Variants in KLHL32 observed in about 807,000 individuals in gnomAD.
KLHL32 encodes the protein kelch like family member 32.
A neutral mutation model predicts 64.8 loss-of-function variants in KLHL32; 35 were observed. The ratio of observed to expected loss-of-function variants is 0.54; its 90% CI spans 0.41 to 0.72. The LOEUF (loss-of-function observed/expected upper bound fraction) is 0.72, where lower values mean the gene tolerates loss of function less well. Among genes scored for constraint, KLHL32 ranks in the 30% least tolerant of loss-of-function variants. The probability of loss-of-function intolerance (pLI) is 0.00; values close to 1 mark genes in which losing one functional copy is unlikely to be tolerated. For synonymous variants in KLHL32, 259 were observed against 281.0 expected (o/e 0.92, Z 0.78); for missense variants, 589 against 768.5 (o/e 0.77, Z 2.76).
intron 6 of KLHL32, among the ~76,000 whole-genome samples, chr6:97,106,266 C>T (rs973867755): frequency 1.3e-5 from 2 of 151,886 alleles, no homozygotes; most frequent in Non-Finnish European, 2.9e-5. Context: ...TTTAATTGAA[C>T]TAGGACAAAA....
At chr6:96,961,038 G>A (rs1156229740) in intron 1 of KLHL32, among the ~76,000 whole-genome samples, 2 of 152,142 alleles carry the variant, frequency 1.3e-5, no homozygotes, top group Non-Finnish European at 2.9e-5. Context: ...TGAAGGACAA[G>A]GAAGGGGATT....
chr6:96,933,981 A>G (rs1469285517), intron 1 of KLHL32, among the ~76,000 whole-genome samples: 1 of 152,196 alleles, frequency 6.6e-6, no homozygotes, highest in Non-Finnish European at 1.5e-5. Context: ...TCTGTGCCTA[A>G]GTCTCCTGTA....
chr6:96,965,295 C>T (rs1359593641), intron 1 of KLHL32, among the ~76,000 whole-genome samples: 2 of 152,152 alleles, frequency 1.3e-5, no homozygotes, highest in Admixed American at 6.5e-5. Context: ...GGTGTCCATT[C>T]CCCTAAGCTT....
chr6:97,031,722 G>T (rs1783582602), intron 3 of KLHL32, among the ~76,000 whole-genome samples: 1 of 152,048 alleles, frequency 6.6e-6, no homozygotes, highest in Non-Finnish European at 1.5e-5. Flanking sequence ...TTTTATAATG[G>T]GGTCATTCCA....
intron 7 of KLHL32, among the ~76,000 whole-genome samples, chr6:97,126,682 G>A (rs546764169): frequency 9.2e-5 from 14 of 152,064 alleles, no homozygotes; most frequent in South Asian, 4.1e-4. Context: ...ACTGAGATGC[G>A]TTGTGTCAAA....
intron 1 of KLHL32, among the ~76,000 whole-genome samples, chr6:96,934,106 G>A (rs1250987655): frequency 6.6e-6 from 1 of 152,160 alleles, no homozygotes; most frequent in Non-Finnish European, 1.5e-5. Context: ...GCTTTTGACT[G>A]GGCATTGTAG....
intron 6 of KLHL32, among the ~76,000 whole-genome samples, chr6:97,090,836 A>G (rs1193931193): frequency 6.6e-6 from 1 of 152,242 alleles, no homozygotes; most frequent in Non-Finnish European, 1.5e-5. Flanking sequence ...ACTTTGGTCT[A>G]TAGCTTCTAA....
chr6:96,988,218 A>ATT (rs1777367459), intron 3 of KLHL32, among the ~76,000 whole-genome samples: 1 of 152,242 alleles, frequency 6.6e-6, no homozygotes, highest in African/African-American at 2.4e-5. Context: ...ATAAAGGGCT[A>ATT]ATATCCAGAA....
chr6:97,090,782 A>T (rs1794107016), intron 6 of KLHL32, among the ~76,000 whole-genome samples: 2 of 152,260 alleles, frequency 1.3e-5, no homozygotes, highest in Non-Finnish European at 2.9e-5. Flanking sequence ...GAGGTTACAT[A>T]TCTAGGAATC....
At chr6:96,918,488 A>G in the KLHL32 span, among the ~76,000 whole-genome samples, 2 of 152,216 alleles carry the variant, frequency 1.3e-5, no homozygotes, top group Non-Finnish European at 2.9e-5. Context: ...CAATTCACAC[A>G]TTACTACTGT....
chr6:97,015,390 G>A (rs372020653), intron 3 of KLHL32, among the ~76,000 whole-genome samples: 1 of 152,178 alleles, frequency 6.6e-6, no homozygotes, highest in Admixed American at 6.5e-5. Context: ...CTTGTTGAAT[G>A]GACTTTACCA....
Position 96,930,835 on chromosome 6 carries a change from G to A in KLHL32, c.-66+5809G>A, listed in dbSNP as rs547753581. Among the ~76,000 whole-genome samples, 11 of 152,226 alleles carry A rather than the reference G, an allele frequency of 7.2e-5. No individual in the cohort carries two copies. In the South Asian group the frequency reaches 1.5e-3, roughly 20 times the overall value. On this transcript the variant is annotated intron_variant, in intron 1 of 10. Coordinates refer to ENST00000369261, the MANE Select transcript of KLHL32 (RefSeq NM_052904.4). Reference sequence around the variant, plus strand: ...GCATCGGCCTGGTCACAAGGAAAAGGAGGGAGGGTCAGTCAGTTTCCTCCT... The same window carrying A: ...GCATCGGCCTGGTCACAAGGAAAAGAAGGGAGGGTCAGTCAGTTTCCTCCT...
chr6:97,029,070 C>G (rs550978185), intron 3 of KLHL32, among the ~76,000 whole-genome samples: 1 of 152,200 alleles, frequency 6.6e-6, no homozygotes, highest in South Asian at 2.1e-4. Flanking sequence ...GCATGGTGAG[C>G]AGCAGTTTCT....
At chr6:96,966,836 C>A (rs139055390) in intron 1 of KLHL32, among the ~76,000 whole-genome samples, 160 bp from the exon 2 acceptor site, 3 of 152,158 alleles carry the variant, frequency 2.0e-5, no homozygotes, top group Non-Finnish European at 4.4e-5. Flanking sequence ...AGAACAATTA[C>A]TTGTTTGTTA....
intron 3 of KLHL32, chr6:97,024,936 T>C: frequency 2.1e-6 from 2 of 935,404 alleles, no homozygotes; most frequent in South Asian, 4.9e-5. Flanking sequence ...TTTAAGATTA[T>C]AACTTTTATG....
At chr6:97,100,325 G>A (rs1351006281) in intron 6 of KLHL32, among the ~76,000 whole-genome samples, 1 of 152,150 alleles carries the variant, frequency 6.6e-6, no homozygotes, top group Non-Finnish European at 1.5e-5. Flanking sequence ...ACCTAGTACA[G>A]GTAGTCAGTG....
chr6:97,099,977 T>C (rs939183079), intron 6 of KLHL32, among the ~76,000 whole-genome samples: 2 of 152,036 alleles, frequency 1.3e-5, no homozygotes, highest in Non-Finnish European at 2.9e-5. Context: ...AGATCCCATC[T>C]CTACTAAAAA....
At chr6:96,982,530 C>T (rs1776442496) in intron 3 of KLHL32, among the ~76,000 whole-genome samples, 1 of 152,080 alleles carries the variant, frequency 6.6e-6, no homozygotes, top group Non-Finnish European at 1.5e-5. Flanking sequence ...TTAATTGGGG[C>T]ATTTAGTTCA....
intron 6 of KLHL32, among the ~76,000 whole-genome samples, chr6:97,103,628 A>C (rs1796036288): frequency 6.6e-6 from 1 of 152,244 alleles, no homozygotes; most frequent in South Asian, 2.1e-4. Context: ...ATTCAGTTTC[A>C]TGATATAATC....
Sources: gnomAD v4.1 joint callset for allele counts (sites outside exome capture counted in the v4.1 genomes callset) on GRCh38, gnomAD v4.1.1 for gene constraint, MANE v1.5 for transcripts, NCBI Gene and HGNC (gene_info 2026-07-23, HGNC 2026-07-21) for gene names.